ANOS1: variants seen among roughly 807,000 people sequenced by gnomAD.
ANOS1 encodes the protein anosmin-1.
In ANOS1, 6 loss-of-function variants were observed where a neutral mutation model predicts 59.0. The observed-to-expected ratio is 0.10, with a 90% CI of 0.06 to 0.20. The LOEUF (loss-of-function observed/expected upper bound fraction) is 0.20, where lower values mean the gene tolerates loss of function less well. Ranked by LOEUF, ANOS1 falls within the 10% of genes least tolerant of loss-of-function variation. The pLI is 1.00. For synonymous variants in ANOS1, 217 were observed against 223.4 expected (o/e 0.97, Z 0.25); for missense variants, 433 against 542.3 (o/e 0.80, Z 2.00).
At chrX:8,628,210 A>T (rs757786273) in intron 2 of ANOS1, among the ~76,000 whole-genome samples, 1 of 111,959 alleles carries the variant, frequency 8.9e-6, no homozygotes, top group Non-Finnish European at 1.9e-5. Context: ...TACAAGTGCC[A>T]TGGCAATGTC....
At chrX:8,716,605 AC>A (rs1386857951) in intron 1 of ANOS1, among the ~76,000 whole-genome samples, 3 of 111,895 alleles carry the variant, frequency 2.7e-5, no homozygotes, top group Non-Finnish European at 5.6e-5. Flanking sequence ...ACTCTGGATC[AC>A]CCTGTAACCC....
At chrX:8,656,333 C>G (rs1293414392) in intron 2 of ANOS1, among the ~76,000 whole-genome samples, 4 of 112,062 alleles carry the variant, frequency 3.6e-5, no homozygotes, top group African/African-American at 1.3e-4. Flanking sequence ...GTCCTAGGAG[C>G]CTGGCAAATT....
At chrX:8,673,081 C>T (rs1932282021) in intron 2 of ANOS1, among the ~76,000 whole-genome samples, 2 of 111,081 alleles carry the variant, frequency 1.8e-5, no homozygotes. Flanking sequence ...ACATTGAAAT[C>T]ATTTGTTATA....
chrX:8,563,628 G>A (rs772050382), intron 8 of ANOS1, among the ~76,000 whole-genome samples: 2 of 112,342 alleles, frequency 1.8e-5, no homozygotes, highest in Non-Finnish European at 3.7e-5. Flanking sequence ...ATTTATGACC[G>A]TAGCAGATGA....
At chrX:8,710,591 G>T (rs1482348671) in intron 1 of ANOS1, among the ~76,000 whole-genome samples, 3 of 111,674 alleles carry the variant, frequency 2.7e-5, no homozygotes, top group Admixed American at 9.5e-5. Flanking sequence ...CAAGACAAAT[G>T]TAACTCGTTA....
At chrX:8,646,735 C>T (rs1046223402) in intron 2 of ANOS1, among the ~76,000 whole-genome samples, 6 of 109,073 alleles carry the variant, frequency 5.5e-5, no homozygotes, top group Non-Finnish European at 1.1e-4. Flanking sequence ...GAGTTCAAGA[C>T]GAGCTTGGCC....
intron 3 of ANOS1, among the ~76,000 whole-genome samples, chrX:8,610,033 A>AAAAAAAAAAAAAAAAAAC (rs1287806402): frequency 6.0e-5 from 5 of 82,701 alleles, no homozygotes; most frequent in Non-Finnish European, 1.1e-4. Context: ...AAAAAAAAAA[A>AAAAAAAAAAAAAAAAAAC]AACAACAACC....
At chrX:8,714,788 G>T (rs1305260050) in intron 1 of ANOS1, among the ~76,000 whole-genome samples, 1 of 112,011 alleles carries the variant, frequency 8.9e-6, no homozygotes, top group East Asian at 2.8e-4. Context: ...CTAAGTGTCA[G>T]ATTTTTGTCA....
chrX:8,695,348 G>A (rs756543422), intron 2 of ANOS1, among the ~76,000 whole-genome samples: 104 of 111,853 alleles, frequency 9.3e-4, no homozygotes, highest in Non-Finnish European at 1.7e-3. Flanking sequence ...TGAATCATCC[G>A]AGACTGAAAC....
At chrX:8,662,960 G>T (rs781341267) in intron 2 of ANOS1, among the ~76,000 whole-genome samples, 1 of 112,101 alleles carries the variant, frequency 8.9e-6, no homozygotes, top group Non-Finnish European at 1.9e-5. Context: ...GGAGGCGGAG[G>T]TTGCGATGAG....
intron 8 of ANOS1, among the ~76,000 whole-genome samples, chrX:8,566,863 C>T (rs1214921005): frequency 2.7e-5 from 3 of 111,684 alleles, no homozygotes; most frequent in Non-Finnish European, 5.6e-5. Flanking sequence ...TTATGAGCAA[C>T]CCCTGTGTCT....
chrX:8,626,557 T>A (rs1010178961), intron 2 of ANOS1, among the ~76,000 whole-genome samples: 1 of 111,534 alleles, frequency 9.0e-6, no homozygotes, highest in African/African-American at 3.3e-5. Context: ...TAATGAAACA[T>A]TGTTTAAAAA....
chrX:8,614,866 A>AAAAAATATTAAAAAATTTTTATATTTTAT (rs750685412), intron 3 of ANOS1, among the ~76,000 whole-genome samples: 6 of 104,646 alleles, frequency 5.7e-5, no homozygotes, highest in Non-Finnish European at 9.7e-5. Flanking sequence ...GAGTAATATA[A>AAAAAATATTAAAAAATTTTTATATTTTAT]GAAAAATATA....
intron 3 of ANOS1, among the ~76,000 whole-genome samples, chrX:8,607,228 G>C (rs1050681266): frequency 1.8e-5 from 2 of 112,167 alleles, no homozygotes. Flanking sequence ...ATAACTCTCC[G>C]TTCAAATGTT....
intron 2 of ANOS1, among the ~76,000 whole-genome samples, chrX:8,642,128 A>G (rs1363942198): frequency 8.9e-6 from 1 of 112,194 alleles, no homozygotes; most frequent in Non-Finnish European, 1.9e-5. Flanking sequence ...TGACGAATGA[A>G]TGAATAAATA....
At chrX:8,573,122 T>A (rs1272471121) in intron 6 of ANOS1, among the ~76,000 whole-genome samples, 1 of 104,376 alleles carries the variant, frequency 9.6e-6, no homozygotes, top group African/African-American at 3.6e-5. Flanking sequence ...TGCAATGGTG[T>A]GATCTTGGCT....
chrX:8,605,284 G>A (rs1452476352), intron 3 of ANOS1, among the ~76,000 whole-genome samples: 6 of 110,539 alleles, frequency 5.4e-5, no homozygotes, highest in African/African-American at 1.6e-4. Flanking sequence ...AAAACACAGC[G>A]AGATGAACAG....
intron 3 of ANOS1, among the ~76,000 whole-genome samples, chrX:8,597,460 A>G (rs899229565): frequency 1.8e-5 from 2 of 110,732 alleles, no homozygotes; most frequent in Middle Eastern, 4.7e-3. Context: ...ATAAGTGATG[A>G]TTTTATATTG....
intron 1 of ANOS1, among the ~76,000 whole-genome samples, chrX:8,718,537 T>C (rs1237566071): frequency 8.9e-6 from 1 of 112,508 alleles, no homozygotes; most frequent in Non-Finnish European, 1.9e-5. Flanking sequence ...GCCTCCCATT[T>C]TCTTCTCATT....
Sources: allele counts gnomAD v4.1 joint callset (sites outside exome capture counted in the v4.1 genomes callset), GRCh38; gene constraint gnomAD v4.1.1; transcripts MANE v1.5; gene names NCBI Gene and HGNC (gene_info 2026-07-23, HGNC 2026-07-21).